Variants in AOPEP observed in about 807,000 individuals in gnomAD.
AOPEP encodes the protein aminopeptidase O (putative).
A neutral mutation model predicts 98.1 loss-of-function variants in AOPEP; 77 were observed. The observed-to-expected ratio is 0.78, with a 90% CI of 0.65 to 0.95. AOPEP has a LOEUF of 0.95. Ranked by LOEUF, AOPEP falls within the 40% of genes least tolerant of loss-of-function variation. The probability of loss-of-function intolerance (pLI) is 0.00; values close to 1 mark genes in which losing one functional copy is unlikely to be tolerated. For synonymous variants in AOPEP, 346 were observed against 365.3 expected (o/e 0.95, Z 0.60); for missense variants, 1,024 against 1,024.7 (o/e 1.00, Z 0.01).
chr9:94,765,456 A>ATAATAATAATAATAATAAT (rs1839366001), intron 2 of AOPEP, among the ~76,000 whole-genome samples: 1 of 146,344 alleles, frequency 6.8e-6, no homozygotes, highest in East Asian at 2.0e-4. Context: ...AATAATAATA[A>ATAATAATAATAATAATAAT]TAATAATAAT....
chr9:94,744,270 T>C (rs1328996848), intron 1 of AOPEP, among the ~76,000 whole-genome samples: 3 of 152,082 alleles, frequency 2.0e-5, no homozygotes, highest in Middle Eastern at 3.2e-3. Flanking sequence ...CAGGCGCCTG[T>C]AGTCCCAGCT....
chr9:94,821,970 AACACACACACACAC>A (rs34645632), intron 5 of AOPEP, among the ~76,000 whole-genome samples: 2,875 of 141,462 alleles, frequency 0.02, 44 homozygotes, highest in Non-Finnish European at 0.031. Context: ...TGTGTGTGTA[AACACACACACACAC>A]ACACACACAC....
chr9:95,002,928 T>C (rs957107122), intron 11 of AOPEP, among the ~76,000 whole-genome samples: 14 of 152,294 alleles, frequency 9.2e-5, no homozygotes, highest in African/African-American at 3.4e-4. Flanking sequence ...TTAGGATGGG[T>C]CACAGCTTTT....
At chr9:94,970,878 A>T (rs1395461224) in intron 10 of AOPEP, among the ~76,000 whole-genome samples, 2 of 152,102 alleles carry the variant, frequency 1.3e-5, no homozygotes, top group Admixed American at 1.3e-4. Context: ...TAGGAACTAA[A>T]ACCGAGAAAA....
chr9:95,060,619 T>G, intron 13 of AOPEP, 75 bp from the exon 14 acceptor site: 1 of 973,590 alleles, frequency 1.0e-6, no homozygotes, highest in Non-Finnish European at 1.7e-6. Context: ...GTATGTGGTC[T>G]TCAGTCTGAA....
At chr9:95,044,710 T>C (rs1052528674) in intron 13 of AOPEP, among the ~76,000 whole-genome samples, 2 of 152,114 alleles carry the variant, frequency 1.3e-5, no homozygotes, top group African/African-American at 4.8e-5. Flanking sequence ...CATAGTGACC[T>C]GCACACATAG....
chr9:94,877,619 C>T (rs1346757847), intron 5 of AOPEP, among the ~76,000 whole-genome samples: 3 of 152,006 alleles, frequency 2.0e-5, no homozygotes, highest in Non-Finnish European at 2.9e-5. Flanking sequence ...CAGGGTTTCA[C>T]CATGTTGGCC....
At chr9:94,933,229 G>T (rs1368690494) in intron 7 of AOPEP, 1 of 985,480 alleles carries the variant, frequency 1.0e-6, no homozygotes, top group Non-Finnish European at 1.2e-6. Context: ...GGCAGCTTCC[G>T]AAAGGCTCGC....
Position 94,835,140 on chromosome 9 carries a change from G to T in AOPEP, c.1364+34138G>T, listed in dbSNP as rs145028917. ...CATAGGGGGAAAGGACAGTCTTTTC[G>T]GGGTATTGTTTTGGAATAACTTTCC... On this transcript the variant is annotated intron_variant, in intron 5 of 16. Transcript: ENST00000375315. 1.3e-3 allele frequency among the ~76,000 whole-genome samples: 192 copies of T among 152,222 alleles called. 1 individual carries two copies. Among genetic ancestry groups the T allele is most frequent in the African/African-American group, 4.6e-3 (192 of 41,524 alleles).
At chr9:95,059,305 T>C (rs916264777) in intron 13 of AOPEP, among the ~76,000 whole-genome samples, 3 of 152,200 alleles carry the variant, frequency 2.0e-5, no homozygotes, top group African/African-American at 4.8e-5. Flanking sequence ...AGCGATGTCA[T>C]GAAGTACAGA....
intron 5 of AOPEP, among the ~76,000 whole-genome samples, chr9:94,820,358 C>T (rs1351049925): frequency 1.3e-5 from 2 of 152,158 alleles, no homozygotes; most frequent in Admixed American, 1.3e-4. Flanking sequence ...CATGCAGATG[C>T]AGGCCAATTA....
intron 11 of AOPEP, among the ~76,000 whole-genome samples, chr9:94,988,317 C>A (rs975408500): frequency 3.3e-5 from 5 of 152,104 alleles, no homozygotes; most frequent in African/African-American, 9.7e-5. Context: ...GGGAAGTCGG[C>A]AGGGAGAGTC....
At chr9:95,073,726 G>T (rs1245918180) in intron 14 of AOPEP, among the ~76,000 whole-genome samples, 1 of 152,180 alleles carries the variant, frequency 6.6e-6, no homozygotes, top group Non-Finnish European at 1.5e-5. Flanking sequence ...AGGCGTGGTG[G>T]CACATGTCTG....
At chr9:94,815,613 G>A (rs933501712) in intron 5 of AOPEP, among the ~76,000 whole-genome samples, 6 of 152,060 alleles carry the variant, frequency 3.9e-5, no homozygotes, top group Non-Finnish European at 8.8e-5. Context: ...TCCCCTGCTT[G>A]CAGTGAGGAC....
intron 5 of AOPEP, among the ~76,000 whole-genome samples, chr9:94,844,285 G>GT (rs1299083153): frequency 3.9e-5 from 6 of 152,090 alleles, no homozygotes; most frequent in Non-Finnish European, 8.8e-5. Flanking sequence ...CTAACTAGTA[G>GT]TTTTAATTTT....
intron 5 of AOPEP, among the ~76,000 whole-genome samples, chr9:94,913,775 T>C (rs1001241988): frequency 6.6e-6 from 1 of 152,264 alleles, no homozygotes; most frequent in Non-Finnish European, 1.5e-5. Flanking sequence ...ATTCGTTTAA[T>C]TCATGAATTT....
chr9:95,040,360 G>A (rs776325971), intron 13 of AOPEP, among the ~76,000 whole-genome samples: 4 of 152,202 alleles, frequency 2.6e-5, no homozygotes, highest in East Asian at 1.9e-4. Context: ...GAACTGGAGC[G>A]GAAGAAAGGC....
chr9:95,128,909 CT>C, the AOPEP span, among the ~76,000 whole-genome samples: 7,281 of 144,412 alleles, frequency 0.05, 462 homozygotes, highest in African/African-American at 0.15. Context: ...AACCAGTCTC[CT>C]TTTTTTTTTT....
chr9:94,932,456 G>A (rs1331008513), intron 7 of AOPEP: 1 of 174,964 alleles, frequency 5.7e-6, no homozygotes, highest in African/African-American at 2.4e-5. Context: ...TTCATCAAAT[G>A]TTTCTTTTTT....
Sources: gnomAD v4.1 joint callset for allele counts (sites outside exome capture counted in the v4.1 genomes callset) on GRCh38, gnomAD v4.1.1 for gene constraint, MANE v1.5 for transcripts, NCBI Gene and HGNC (gene_info 2026-07-23, HGNC 2026-07-21) for gene names.